Variants in ENTPD1 observed in about 807,000 individuals in gnomAD.
The protein encoded by ENTPD1 is ATP diphosphohydrolase.
Under a neutral mutation model 57.0 loss-of-function variants are expected in ENTPD1, and 33 were observed. The ratio of observed to expected loss-of-function variants is 0.58; its 90% CI spans 0.44 to 0.77. The LOEUF (loss-of-function observed/expected upper bound fraction) is 0.77, where lower values mean the gene tolerates loss of function less well. Among genes scored for constraint, ENTPD1 ranks in the 30% least tolerant of loss-of-function variants. The pLI is 0.00. For synonymous variants in ENTPD1, 202 were observed against 218.8 expected, an observed-to-expected ratio of 0.92 and a Z score of 0.68; for missense variants, 501 against 603.4, an observed-to-expected ratio of 0.83 and a Z score of 1.78.
At chr10:95,717,337 G>GTTTTTT (rs10609572) in intron 1 of ENTPD1, among the ~76,000 whole-genome samples, 1 of 125,954 alleles carries the variant, frequency 7.9e-6, no homozygotes, top group African/African-American at 2.9e-5. Context: ...GATCTGCAGG[G>GTTTTTT]TTTTTTTTTT....
chr10:95,870,554 C>T lies in ENTPD1; in HGVS notation c.*4171C>T, dbSNP rs1566267946. 3.0e-6 allele frequency: 3 copies of T among 985,166 alleles called. No homozygotes were observed. The highest frequency in any genetic ancestry group is 3.6e-6 in the Non-Finnish European group (3 of 829,674). 61.0% of individuals were successfully genotyped at this position (985,166 alleles called of 1,614,324 possible). On this transcript the variant is annotated 3_prime_UTR_variant, in exon 10 of 10. Transcript: ENST00000371205. Reference sequence around the variant, plus strand: ...TTGGCCTCCCAAAGTGTTGAGATTACAGGCGTAAGCCACTGCACCTGGCCA... The same window carrying T: ...TTGGCCTCCCAAAGTGTTGAGATTATAGGCGTAAGCCACTGCACCTGGCCA...
chr10:95,765,308 T>G (rs576246790), intron 1 of ENTPD1, among the ~76,000 whole-genome samples: 8 of 152,374 alleles, frequency 5.3e-5, no homozygotes, highest in African/African-American at 1.9e-4. Context: ...TTCAAAGAGC[T>G]ACATAGTTTT....
At chr10:95,767,047 T>A (rs2098091380) in intron 1 of ENTPD1, among the ~76,000 whole-genome samples, 1 of 152,012 alleles carries the variant, frequency 6.6e-6, no homozygotes, top group Non-Finnish European at 1.5e-5. Context: ...ACCCAGCTGA[T>A]TTTTTATTTT....
intron 1 of ENTPD1, among the ~76,000 whole-genome samples, chr10:95,749,241 C>T (rs1156939061): frequency 6.6e-6 from 1 of 152,164 alleles, no homozygotes; most frequent in Non-Finnish European, 1.5e-5. Context: ...TTGAGTGTTG[C>T]TATTATCCCC....
In ENTPD1 at chr10:95,795,070, C is replaced by T. The variant is rs773755468; in HGVS notation, c.17-28167C>T. On this transcript the variant is annotated intron_variant, in intron 1 of 9. Transcript: ENST00000371205. ...GACCCTTTGAGAAGATTACTCTGGC[C>T]GTAGTTGGAAAGCAGATTGATGATA... is the stretch of plus-strand genomic sequence containing the variant. Among the ~76,000 whole-genome samples the T allele has an allele frequency of 3.9e-5, 6 of 152,082 alleles. No individual in the cohort carries two copies. In the East Asian group the frequency reaches 9.7e-4, roughly 24 times the overall value.
chr10:95,801,297 G>T (rs1189482989), intron 1 of ENTPD1, among the ~76,000 whole-genome samples: 1 of 152,084 alleles, frequency 6.6e-6, no homozygotes, highest in African/African-American at 2.4e-5. Flanking sequence ...GAATGGTATT[G>T]TCTAGGTTGT....
chr10:95,729,437 G>A (rs1004735416), intron 1 of ENTPD1, among the ~76,000 whole-genome samples: 1 of 152,124 alleles, frequency 6.6e-6, no homozygotes, highest in African/African-American at 2.4e-5. Context: ...AGTTCAGGAG[G>A]GCACTATCTG....
chr10:95,872,806 A>G lies in ENTPD1; in HGVS notation c.*6423A>G. 2.0e-6 allele frequency: 2 copies of G among 985,362 alleles called. No homozygotes were observed. Among genetic ancestry groups the G allele is most frequent in the Middle Eastern group, 5.2e-4 (1 of 1,914 alleles). 61.0% of individuals were successfully genotyped at this position (985,362 alleles called of 1,614,324 possible). Reference sequence around the variant, plus strand: ...ACTCTATTTATCTCTTGATGTAACCATCTTCTTTCTCCAGGTTTTAAGAAC... The same window carrying G: ...ACTCTATTTATCTCTTGATGTAACCGTCTTCTTTCTCCAGGTTTTAAGAAC... On this transcript the variant is annotated 3_prime_UTR_variant, in exon 10 of 10. Coordinates refer to ENST00000371205, the MANE Select transcript of ENTPD1 (RefSeq NM_001776.6).
intron 1 of ENTPD1, among the ~76,000 whole-genome samples, chr10:95,739,035 T>C (rs2097997533): frequency 6.6e-6 from 1 of 152,216 alleles, no homozygotes; most frequent in Admixed American, 6.5e-5. Flanking sequence ...TATATTATAG[T>C]CTATAAAGTG....
the ENTPD1 span, among the ~76,000 whole-genome samples, chr10:95,701,082 C>T: frequency 1.3e-5 from 2 of 152,208 alleles, no homozygotes; most frequent in Non-Finnish European, 2.9e-5. Flanking sequence ...GCCTGAGCCA[C>T]CGTGCCCAGC....
At chr10:95,781,436 A>G (rs1306970389) in intron 1 of ENTPD1, among the ~76,000 whole-genome samples, 1 of 152,192 alleles carries the variant, frequency 6.6e-6, no homozygotes, top group Non-Finnish European at 1.5e-5. Flanking sequence ...AAAAATAACT[A>G]AAAGAGTATA....
intron 1 of ENTPD1, among the ~76,000 whole-genome samples, chr10:95,783,153 G>A (rs1211999443): frequency 6.6e-6 from 1 of 152,124 alleles, no homozygotes; most frequent in Non-Finnish European, 1.5e-5. Flanking sequence ...TCTAAATGTA[G>A]TTTTATGAGT....
chr10:95,795,002 C>T (rs1241173597), intron 1 of ENTPD1, among the ~76,000 whole-genome samples: 1 of 152,072 alleles, frequency 6.6e-6, no homozygotes, highest in Non-Finnish European at 1.5e-5. Context: ...TAATGGGAAG[C>T]TGTGGAGTAT....
upstream of ENTPD1, among the ~76,000 whole-genome samples, chr10:95,708,224 T>A (rs147481422): frequency 0.8 from 119,992 of 149,752 alleles, 48,496 homozygotes; most frequent in Non-Finnish European, 0.86. Context: ...TTTTATTTTT[T>A]TTTTTTTTGA....
intron 2 of ENTPD1, among the ~76,000 whole-genome samples, chr10:95,827,271 G>T (rs958755964): frequency 1.4e-4 from 21 of 151,936 alleles, no homozygotes; most frequent in Non-Finnish European, 2.9e-4. Context: ...GGCCAACATA[G>T]TGAAATCCCG....
In ENTPD1 at chr10:95,742,373, A is replaced by AT. The variant is rs557609311; in HGVS notation, c.37+30390dup. Among the ~76,000 whole-genome samples, 518 of 147,030 alleles carry AT rather than the reference A, an allele frequency of 3.5e-3. 2 individuals carry two copies. The highest frequency in any genetic ancestry group is 6.2e-3 in the Non-Finnish European group (412 of 66,432). On this transcript the variant is annotated intron_variant, in intron 1 of 9. Coordinates refer to the ENTPD1 transcript ENST00000453258. ...CCTAGGCCTTTTCCTTCCTTTTGTT[A>AT]TTTTTTTTTTCAAGTGCTGCAACCA...
At chr10:95,805,587 G>A (rs532416758) in intron 1 of ENTPD1, among the ~76,000 whole-genome samples, 149 of 152,184 alleles carry the variant, frequency 9.8e-4, no homozygotes, top group African/African-American at 3.4e-3. Context: ...TTCTCGTATC[G>A]ATGGTCTTTA....
chr10:95,711,340 A>G (rs1371797723), upstream of ENTPD1, among the ~76,000 whole-genome samples: 4 of 152,224 alleles, frequency 2.6e-5, no homozygotes, highest in African/African-American at 9.6e-5. Context: ...ACAGAGGTCA[A>G]GAAGAATCTA....
the ENTPD1 span, among the ~76,000 whole-genome samples, chr10:95,695,316 A>G: frequency 6.6e-6 from 1 of 152,234 alleles, no homozygotes; most frequent in Non-Finnish European, 1.5e-5. Context: ...TCCTAGACCC[A>G]GTATTTTCCT....
Sources: allele counts gnomAD v4.1 joint callset (sites outside exome capture counted in the v4.1 genomes callset), GRCh38; gene constraint gnomAD v4.1.1; transcripts MANE v1.5; gene names NCBI Gene and HGNC (gene_info 2026-07-23, HGNC 2026-07-21).